Variants in DMXL2 observed in about 807,000 individuals in gnomAD.
The protein encoded by DMXL2 is Dmx like 2.
In DMXL2, 103 loss-of-function variants were observed where a neutral mutation model predicts 331.1. The ratio of observed to expected loss-of-function variants is 0.31; its 90% CI spans 0.27 to 0.37. DMXL2 has a LOEUF of 0.37. Ranked by LOEUF, DMXL2 falls within the 10% of genes least tolerant of loss-of-function variation. DMXL2 has a pLI of 1.00. For synonymous variants in DMXL2, 1,281 were observed against 1,252.1 expected, an observed-to-expected ratio of 1.02 and a Z score of -0.49; for missense variants, 3,171 against 3,642.9, an observed-to-expected ratio of 0.87 and a Z score of 3.33.
chr15:51,498,685 T>TACCC lies in DMXL2; in HGVS notation c.4535_4538dup (p.Leu1514GlyfsTer27). The TACCC allele has an allele frequency of 6.2e-7, 1 of 1,614,192 alleles. No individual in the cohort carries two copies. Among genetic ancestry groups the TACCC allele is most frequent in the Non-Finnish European group, 8.5e-7 (1 of 1,180,024 alleles). ...TTGAGTGCATAAGATGACTTGAAAG[T>TACCC]ACCCTTGCATGTTCTTGGCCAAAGT... On this transcript the variant is annotated frameshift_variant, in exon 18 of 44. Transcript: ENST00000560891. LOFTEE classifies it high-confidence loss of function.
At chr15:51,563,044 T>C (rs1442195867) in intron 6 of DMXL2, among the ~76,000 whole-genome samples, 1 of 152,166 alleles carries the variant, frequency 6.6e-6, no homozygotes, top group African/African-American at 2.4e-5. Context: ...GTTGGAATAA[T>C]GAGGCAAGCA....
At chr15:51,608,696 A>G (rs1485414204) in intron 1 of DMXL2, among the ~76,000 whole-genome samples, 2 of 152,162 alleles carry the variant, frequency 1.3e-5, no homozygotes, top group Admixed American at 6.6e-5. Context: ...AAACCAAGCA[A>G]CACACAACTT....
chr15:51,567,587 A>C (rs1409367328), intron 3 of DMXL2: 1 of 152,226 alleles, frequency 6.6e-6, no homozygotes, highest in African/African-American at 2.4e-5. Context: ...TAGCTGGAGG[A>C]AAAACATTCC....
chr15:51,566,232 GGTGTGTGTGTGTGT>G (rs71127197), intron 3 of DMXL2, among the ~76,000 whole-genome samples: 29,888 of 144,720 alleles, frequency 0.21, 3,254 homozygotes, highest in Admixed American at 0.31. Context: ...GTGTGTGTGG[GGTGTGTGTGTGTGT>G]GTGTGTGTGT....
At position 51,495,219 on chromosome 15, in the gene DMXL2, T is replaced by C. The variant is rs111779508; in HGVS notation, c.4673-85A>G. The C allele has an allele frequency of 4.6e-3, 3,450 of 746,962 alleles. 66 individuals are homozygous for C. The African/African-American group carries it at 0.049, about 11-fold the overall frequency. The allele number at this position is 746,962 out of a possible 1,614,324, so 46.3% of individuals were successfully genotyped here. ...TAAGCTATAAAACAAACATTAAACTTAGTCATAATTTATATAAAATACATA... is the reference window on the plus strand; with the variant it reads ...TAAGCTATAAAACAAACATTAAACTCAGTCATAATTTATATAAAATACATA... On this transcript the variant is annotated intron_variant, in intron 18 of 43. Transcript: ENST00000560891.
At chr15:51,580,021 G>A (rs956278755) in intron 1 of DMXL2, among the ~76,000 whole-genome samples, 20 of 152,250 alleles carry the variant, frequency 1.3e-4, no homozygotes, top group African/African-American at 4.6e-4. Flanking sequence ...CCATTGCATT[G>A]CCCTACCTCT....
Position 51,500,174 on chromosome 15 carries a change from G to C in DMXL2, c.3050C>G (p.Thr1017Arg). 3 of 1,614,110 alleles carry C rather than the reference G, an allele frequency of 1.9e-6. No individual in the cohort carries two copies. Among genetic ancestry groups the C allele is most frequent in the Non-Finnish European group, 2.5e-6 (3 of 1,179,978 alleles). Reference protein sequence around the residue: ...PVCLAPYLVVTTCSDNKVRFW... With the variant: ...PVCLAPYLVVRTCSDNKVRFW... The stretch of plus-strand genomic sequence containing the variant: ...GCGTACTTTATTGTCAGAACAAGTT[G>C]TAACCACTAAATAAGGTGCAAGGCA... The change falls in exon 18 of 44, where the codon ACA (threonine) becomes AGA (arginine). Residue 1017 changes from threonine (T) to arginine (R), a missense_variant. This residue lies in a region of DMXL2 where 1,674 missense variants were observed against 1,780.2 expected (regional missense o/e 0.94). Transcript: ENST00000560891.
chr15:51,542,333 C>T lies in DMXL2; in HGVS notation c.1105G>A (p.Asp369Asn), dbSNP rs2048643961. The change falls in exon 9 of 44, where the codon GAT (aspartate) becomes AAT (asparagine). Residue 369 changes from aspartate (D) to asparagine (N), a missense_variant and splice_region_variant. Physicochemically the swap from Asp to Asn is conservative, Grantham distance 23 (BLOSUM62 1). Coordinates refer to ENST00000560891, the MANE Select transcript of DMXL2 (RefSeq NM_001378457.1). Reference protein sequence around the residue: ...HIAASINPATDIPNVLVGTAF... With the variant: ...HIAASINPATNIPNVLVGTAF... ...TGGGAAATAAAACTTTATCCTTTAC[C>T]TGTGGCAGGGTTGATGCTTGCTGCA... 1 of 1,611,848 alleles carries T rather than the reference C, an allele frequency of 6.2e-7. No individual in the cohort carries two copies. The highest frequency in any genetic ancestry group is 8.5e-7 in the Non-Finnish European group (1 of 1,178,554).
At chr15:51,507,979 A>C (rs1020556095) in intron 15 of DMXL2, among the ~76,000 whole-genome samples, 2 of 152,246 alleles carry the variant, frequency 1.3e-5, no homozygotes, top group Non-Finnish European at 2.9e-5. Flanking sequence ...ATGCAGGATA[A>C]TAAAAGCTTT....
chr15:51,491,782 C>T, intron 19 of DMXL2, 35 bp from the exon 20 acceptor site: 2 of 1,553,646 alleles, frequency 1.3e-6, no homozygotes, highest in Non-Finnish European at 1.7e-6. Flanking sequence ...ATCTGCGTAA[C>T]TGTATCAAAT....
In DMXL2 at chr15:51,576,185, A is replaced by T; in HGVS notation, c.88-4T>A. 2 of 981,868 alleles carry T rather than the reference A, an allele frequency of 2.0e-6. No homozygotes were observed. Among genetic ancestry groups the T allele is most frequent in the African/African-American group, 1.8e-5 (1 of 55,640 alleles). The allele number at this position is 981,868 out of a possible 1,614,324, so 60.8% of individuals were successfully genotyped here. A position where few individuals can be genotyped will look rare whatever the true frequency, so the allele number is the denominator to read the frequency against. Reference sequence around the variant, plus strand: ...TATCACAGCCTGATCCATATGCCTAAAAAAAAAAAAAAAAAAAAGTTTTAC... The same window carrying T: ...TATCACAGCCTGATCCATATGCCTATAAAAAAAAAAAAAAAAAAGTTTTAC... On this transcript the variant is annotated splice_region_variant and splice_polypyrimidine_tract_variant and intron_variant, in intron 1 of 43. Coordinates refer to ENST00000560891, the MANE Select transcript of DMXL2 (RefSeq NM_001378457.1).
chr15:51,573,705 C>A (rs1291847378), intron 2 of DMXL2, among the ~76,000 whole-genome samples: 1 of 151,266 alleles, frequency 6.6e-6, no homozygotes, highest in Non-Finnish European at 1.5e-5. Flanking sequence ...GGTCGGGGGG[C>A]TAGGGGAGGG....
chr15:51,485,576 T>C (rs568682630), intron 23 of DMXL2, among the ~76,000 whole-genome samples: 2 of 152,372 alleles, frequency 1.3e-5, no homozygotes, highest in South Asian at 2.1e-4. Flanking sequence ...CAATTTTTAA[T>C]GACACACTGT....
intron 2 of DMXL2, among the ~76,000 whole-genome samples, chr15:51,572,996 ATC>A (rs2050773780): frequency 1.3e-5 from 2 of 152,122 alleles, no homozygotes; most frequent in Admixed American, 6.5e-5. Flanking sequence ...AAGTCAAATT[ATC>A]TCTGTTTGCA....
At chr15:51,593,776 C>T (rs1478023468) in intron 1 of DMXL2, among the ~76,000 whole-genome samples, 6 of 152,176 alleles carry the variant, frequency 3.9e-5, no homozygotes, top group African/African-American at 1.4e-4. Flanking sequence ...CAAAACCGCT[C>T]AACTACATGG....
intron 1 of DMXL2, among the ~76,000 whole-genome samples, chr15:51,590,950 G>A (rs1033160910): frequency 4.6e-5 from 7 of 152,124 alleles, no homozygotes; most frequent in African/African-American, 7.2e-5. Flanking sequence ...AGACAAGGGG[G>A]GTGGAGCCAA....
rs372985007 is a variant in DMXL2 at position 51,456,200 on chromosome 15, C to T, written c.8399-7G>A. On this transcript the variant is annotated splice_polypyrimidine_tract_variant and splice_region_variant and intron_variant, in intron 38 of 43. Transcript: ENST00000560891. ...TCCTGAGCACCTGTAAGATCTGAAA[C>T]ACAAGAGAAAAAGCAGGAAATAAGA... is the stretch of plus-strand genomic sequence containing the variant. The T allele has an allele frequency of 6.2e-6, 10 of 1,605,734 alleles. No homozygotes were observed. The highest frequency in any genetic ancestry group is 5.4e-5 in the African/African-American group (4 of 74,396).
chr15:51,496,763 G>C (rs1392469332), intron 18 of DMXL2, among the ~76,000 whole-genome samples: 1 of 152,186 alleles, frequency 6.6e-6, no homozygotes, highest in Non-Finnish European at 1.5e-5. Context: ...ATTTGCCAAT[G>C]AACTGGATAC....
At chr15:51,575,285 CT>C (rs541554784) in intron 2 of DMXL2, among the ~76,000 whole-genome samples, 57 of 152,186 alleles carry the variant, frequency 3.7e-4, no homozygotes, top group African/African-American at 1.3e-3. Context: ...ATTTAACATA[CT>C]CTTGATCAAA....
Sources: allele counts gnomAD v4.1 joint callset (sites outside exome capture counted in the v4.1 genomes callset), GRCh38; gene constraint gnomAD v4.1.1; regional missense constraint gnomAD v4.1.1; transcripts MANE v1.5; gene names NCBI Gene and HGNC (gene_info 2026-07-23, HGNC 2026-07-21).